The following MAGEC3 variants were observed in gnomAD, a reference collection of about 807,000 sequenced individuals.
The protein encoded by MAGEC3 is MAGE family member C3, also known as melanoma-associated antigen C3.
A neutral mutation model predicts 35.3 loss-of-function variants in MAGEC3; 34 were observed. That is an observed-to-expected ratio of 0.96 (90% CI 0.73 to 1.28). The LOEUF (loss-of-function observed/expected upper bound fraction) is 1.28. MAGEC3 is among the 50% of genes most tolerant of loss of function. The pLI is 0.00. For synonymous variants in MAGEC3, 202 were observed against 185.6 expected (o/e 1.09, Z -0.72); for missense variants, 561 against 483.6 (o/e 1.16, Z -1.50).
At chrX:141,892,961 T>C (rs1384714618) in intron 4 of MAGEC3, among the ~76,000 whole-genome samples, 1 of 112,544 alleles carries the variant, frequency 8.9e-6, no homozygotes, top group East Asian at 2.8e-4. Flanking sequence ...AAAAGATGTA[T>C]ATTTAAATAT....
chrX:141,894,285 T>C (rs1040024579), intron 4 of MAGEC3, among the ~76,000 whole-genome samples: 7 of 111,922 alleles, frequency 6.3e-5, no homozygotes, highest in African/African-American at 1.9e-4. Context: ...AATAGTTAAA[T>C]CTGATGAGTG....
Position 141,881,175 on chromosome X carries a change from C to T in MAGEC3, c.516-228C>T, listed in dbSNP as rs193021364. On this transcript the variant is annotated intron_variant, in intron 3 of 7. Transcript: ENST00000298296. ...CTTCCTCCTTCTCCTCCTCTTTCTC[C>T]TCTTCCTCCTCCTCCTCCTCCTCAT... 4.1e-4 allele frequency among the ~76,000 whole-genome samples: 45 copies of T among 110,669 alleles called. 1 individual carries two copies. Among genetic ancestry groups the T allele is most frequent in the African/African-American group, 1.4e-3 (44 of 30,369 alleles).
chrX:141,873,679 C>T (rs916354530), intron 2 of MAGEC3, among the ~76,000 whole-genome samples: 1 of 111,514 alleles, frequency 9.0e-6, no homozygotes, highest in African/African-American at 3.3e-5. Context: ...ACACAGTAGG[C>T]ACAAGGTCTG....
intron 1 of MAGEC3, chrX:141,839,360 A>G: frequency 1.4e-6 from 1 of 710,579 alleles, no homozygotes; most frequent in Non-Finnish European, 1.7e-6. Flanking sequence ...GTTTCCAAGA[A>G]ATAATTTTTA....
At chrX:141,869,857 C>A (rs1002355885) in intron 2 of MAGEC3, among the ~76,000 whole-genome samples, 1 of 111,755 alleles carries the variant, frequency 8.9e-6, no homozygotes, top group Non-Finnish European at 1.9e-5. Flanking sequence ...GAACTTTAGA[C>A]ATACCATACA....
intron 1 of MAGEC3, among the ~76,000 whole-genome samples, chrX:141,863,946 A>G (rs1011508830): frequency 9.0e-6 from 1 of 111,640 alleles, no homozygotes; most frequent in African/African-American, 3.3e-5. Flanking sequence ...AGGTAAAAAG[A>G]TACGAAAAAC....
chrX:141,850,658 C>T (rs1008914602), intron 1 of MAGEC3, among the ~76,000 whole-genome samples: 1 of 111,293 alleles, frequency 9.0e-6, no homozygotes, highest in Non-Finnish European at 1.9e-5. Context: ...CAAAAATATC[C>T]AGAATAATGT....
intron 1 of MAGEC3, among the ~76,000 whole-genome samples, chrX:141,848,452 AC>A (rs1470069643): frequency 9.0e-6 from 1 of 111,270 alleles, no homozygotes; most frequent in Non-Finnish European, 1.9e-5. Flanking sequence ...AAATCAATGT[AC>A]AAAAATTAGT....
intron 2 of MAGEC3, among the ~76,000 whole-genome samples, chrX:141,870,554 TTTTA>T (rs1352134536): frequency 1.8e-5 from 2 of 112,063 alleles, no homozygotes; most frequent in Non-Finnish European, 3.8e-5. Flanking sequence ...ATTCACTTTA[TTTTA>T]TTTAATTTTA....
At chrX:141,845,794 C>T (rs1044179662) in intron 1 of MAGEC3, among the ~76,000 whole-genome samples, 4 of 110,722 alleles carry the variant, frequency 3.6e-5, no homozygotes, top group Non-Finnish European at 7.6e-5. Flanking sequence ...AGAATAGTTT[C>T]GTTGAAAAAG....
At chrX:141,849,085 A>G (rs1395532300) in intron 1 of MAGEC3, among the ~76,000 whole-genome samples, 1 of 111,346 alleles carries the variant, frequency 9.0e-6, no homozygotes, top group Non-Finnish European at 1.9e-5. Context: ...ACACAGACCA[A>G]TGTGTCTCTT....
At position 141,880,981 on chromosome X, in the gene MAGEC3, C is replaced by A; in HGVS notation, c.516-422C>A. 10 of 547,577 alleles carry A rather than the reference C, an allele frequency of 1.8e-5. No homozygotes were observed. The South Asian group carries it at 2.9e-4, about 16-fold the overall frequency. 45.1% of individuals were successfully genotyped at this position (547,577 alleles called of 1,213,427 possible). A position where few individuals can be genotyped will look rare whatever the true frequency, so the allele number is the denominator to read the frequency against. On this transcript the variant is annotated intron_variant, in intron 3 of 7. Transcript: ENST00000298296. The stretch of plus-strand genomic sequence containing the variant: ...TCCTGCTCCTAAGGAAGACGTTATG[C>A]CTGTGTTTTGAAATGTTCCTAGCGG...
intron 2 of MAGEC3, 44 bp downstream of exon 2, chrX:141,865,649 T>C (rs765514516): frequency 5.2e-6 from 6 of 1,153,775 alleles, no homozygotes; most frequent in Admixed American, 2.3e-5. Flanking sequence ...CTGCCACAGA[T>C]ATAGGGAGTT....
chrX:141,856,207 T>C lies in MAGEC3; in HGVS notation c.124-9264T>C, dbSNP rs77854418. On this transcript the variant is annotated intron_variant, in intron 1 of 7. Transcript: ENST00000298296. ...CTAAGTAATATGCACACCGTGATGC[T>C]AGACAATGGAGCACATCCTTGTGAG... 1.3e-3 allele frequency among the ~76,000 whole-genome samples: 142 copies of C among 111,687 alleles called. 2 individuals are homozygous for C. The East Asian group carries it at 0.034, about 27-fold the overall frequency.
At chrX:141,871,595 CTT>C (rs1236003885) in intron 2 of MAGEC3, among the ~76,000 whole-genome samples, 1 of 111,525 alleles carries the variant, frequency 9.0e-6, no homozygotes, top group Non-Finnish European at 1.9e-5. Flanking sequence ...GCTGAGCACT[CTT>C]TTTTAACAGG....
intron 1 of MAGEC3, among the ~76,000 whole-genome samples, chrX:141,844,214 G>T (rs2017703358): frequency 9.0e-6 from 1 of 111,119 alleles, no homozygotes; most frequent in Non-Finnish European, 1.9e-5. Context: ...TATTCTTCCA[G>T]TGGGCACTTA....
chrX:141,897,464 G>A lies in MAGEC3; in HGVS notation c.1706G>A (p.Trp569Ter), dbSNP rs759808712. The stretch of plus-strand genomic sequence containing the variant: ...AGCTGTGTCCCCGAGGAGGTCATCT[G>A]GGAAGTGTTGAGTGCAATAGGGGTG... ...KGSCVPEEVI[W>*]EVLSAIGPIQ... The change falls in exon 7 of 8, where the codon TGG becomes TAG. Residue 569 changes from tryptophan to a stop codon, truncating the protein, a stop_gained. Transcript: ENST00000298296. LOFTEE classifies it low-confidence loss of function (END_TRUNC). 3 of 1,208,781 alleles carry A rather than the reference G, an allele frequency of 2.5e-6. No homozygotes were observed. Among genetic ancestry groups the A allele is most frequent in the South Asian group, 3.6e-5 (2 of 56,140 alleles).
intron 4 of MAGEC3, among the ~76,000 whole-genome samples, chrX:141,887,461 A>G (rs993383130): frequency 8.9e-6 from 1 of 112,242 alleles, no homozygotes; most frequent in African/African-American, 3.2e-5. Context: ...TCAAATTTCT[A>G]GGGGTGTAGT....
chrX:141,865,476 G>A lies in MAGEC3; in HGVS notation c.129G>A (p.Arg43=). 8.3e-7 allele frequency: 1 copy of A among 1,207,997 alleles called. No individual in the cohort carries two copies. The highest frequency in any genetic ancestry group is 1.1e-6 in the Non-Finnish European group (1 of 893,579). Residue 43 remains arginine (R), a synonymous_variant, in exon 2 of 8, where the codon CGG becomes CGA. Transcript: ENST00000298296. ...PVVLPPQPQP[R]KKATDKDYSA... ...CTGATATTTGACCTGAGTAGCCCCG[G>A]AAAAAGGCCACAGATAAGGACTATT...
Sources: gnomAD v4.1 joint callset for allele counts (sites outside exome capture counted in the v4.1 genomes callset) on GRCh38, gnomAD v4.1.1 for gene constraint, MANE v1.5 for transcripts, NCBI Gene and HGNC (gene_info 2026-07-23, HGNC 2026-07-21) for gene names.